The following NLRP7 variants were observed in gnomAD, a reference collection of about 807,000 sequenced individuals.
NLRP7 encodes the protein NACHT, LRR and PYD domains-containing protein 7.
Under a neutral mutation model 85.5 loss-of-function variants are expected in NLRP7, and 72 were observed. The ratio of observed to expected loss-of-function variants is 0.84; its 90% CI spans 0.70 to 1.02. The LOEUF (loss-of-function observed/expected upper bound fraction) is 1.02, where lower values mean the gene tolerates loss of function less well. NLRP7 is among the 50% of genes least tolerant of loss of function. The probability of loss-of-function intolerance (pLI) is 0.00; values close to 1 mark genes in which losing one functional copy is unlikely to be tolerated. For synonymous variants in NLRP7, 550 were observed against 505.2 expected, an observed-to-expected ratio of 1.09 and a Z score of -1.19; for missense variants, 1,243 against 1,219.5, an observed-to-expected ratio of 1.02 and a Z score of -0.29.
Position 54,936,444 on chromosome 19 carries a change from A to G in NLRP7, c.2130-13T>C. On this transcript the variant is annotated splice_polypyrimidine_tract_variant and intron_variant, in intron 5 of 9. Transcript: ENST00000340844. Reference sequence around the variant, plus strand: ...GACGTTTTTAATCCTAGGGAAAAGCAGAAGAGATTCCACTTGGAGTGATTA... The same window carrying G: ...GACGTTTTTAATCCTAGGGAAAAGCGGAAGAGATTCCACTTGGAGTGATTA... 6.2e-7 allele frequency: 1 copy of G among 1,610,210 alleles called. No homozygotes were observed. The highest frequency in any genetic ancestry group is 1.1e-5 in the South Asian group (1 of 90,988).
chr19:54,929,911 G>A (rs1203436457), intron 9 of NLRP7, among the ~76,000 whole-genome samples: 2 of 149,690 alleles, frequency 1.3e-5, no homozygotes, highest in Non-Finnish European at 1.5e-5. Flanking sequence ...TCAGGAGATC[G>A]AGACCATCCT....
At position 54,934,995 on chromosome 19, in the gene NLRP7, C is replaced by T. The variant is rs968165589; in HGVS notation, c.2301-336G>A. On this transcript the variant is annotated intron_variant, in intron 6 of 9. Transcript: ENST00000340844. The surrounding 1 kb of genome is among the most constrained non-coding windows in gnomAD (Gnocchi z 6.7). ...TACAGGTGTGAGCCACCGCGCCTGG[C>T]CCAGATCAGCTTCTTCTGCTTCACT... is the stretch of plus-strand genomic sequence containing the variant. Among the ~76,000 whole-genome samples the T allele has an allele frequency of 3.3e-5, 5 of 152,282 alleles. No homozygotes were observed. In the East Asian group the frequency reaches 5.8e-4, roughly 18 times the overall value.
Position 54,929,329 on chromosome 19 carries a change from C to T in NLRP7, c.2810+1170G>A, listed in dbSNP as rs112729764. Among the ~76,000 whole-genome samples, 1,474 of 152,226 alleles carry T rather than the reference C, an allele frequency of 9.7e-3. 17 individuals are homozygous for T. The highest frequency in any genetic ancestry group is 0.016 in the Non-Finnish European group (1,057 of 68,010). On this transcript the variant is annotated intron_variant, in intron 9 of 9. Coordinates refer to ENST00000340844, the Ensembl canonical transcript of NLRP7. ...GCAGTGAGCCAAGATCGCACCACTG[C>T]ACTCCAGCCTGGGTGACAAAGCGAG... is the stretch of plus-strand genomic sequence containing the variant.
rs776171741 is a variant in NLRP7 at position 54,936,377 on chromosome 19, A to G, written c.2184T>C (p.Ile728=). 7.4e-6 allele frequency: 12 copies of G among 1,613,950 alleles called. No individual in the cohort carries two copies. In the East Asian group the frequency reaches 2.7e-4, roughly 36 times the overall value. The change falls in exon 6 of 10, where the codon ATT becomes ATC. Residue 728 remains isoleucine (I), a synonymous_variant. Coordinates refer to ENST00000340844, the Ensembl canonical transcript of NLRP7. ...TCAGGTGCGTGAGGGTCTTCTTCCC[A>G]ATGAAAGCAAGACAGAAGTCCCGGT...
intron 1 of NLRP7, among the ~76,000 whole-genome samples, chr19:54,952,592 T>C (rs1397157876): frequency 1.4e-5 from 2 of 141,398 alleles, no homozygotes; most frequent in East Asian, 2.1e-4. Flanking sequence ...AAACTCCATC[T>C]CAAAAAAAAA....
chr19:54,951,631 T>C (rs539334913), upstream of NLRP7, among the ~76,000 whole-genome samples: 6 of 152,224 alleles, frequency 3.9e-5, no homozygotes, highest in East Asian at 1.2e-3. Flanking sequence ...TGAAAAAATG[T>C]GAATCAGGCT....
chr19:54,963,880 C>T (rs929186418), intron 1 of NLRP7, among the ~76,000 whole-genome samples: 1 of 143,396 alleles, frequency 7.0e-6, no homozygotes, highest in Non-Finnish European at 1.6e-5. Flanking sequence ...TAAAACCCAA[C>T]TTTTTTCTTT....
At chr19:54,930,115 C>CAAAA (rs34446838) in intron 9 of NLRP7, among the ~76,000 whole-genome samples, 2 of 100,562 alleles carry the variant, frequency 2.0e-5, no homozygotes, top group Non-Finnish European at 4.0e-5. Context: ...GGCTCCGTCT[C>CAAAA]AAAAAAAAAA....
At chr19:54,923,798 G>C in exon 10 of NLRP7, 1 of 1,614,066 alleles carries the variant, frequency 6.2e-7, no homozygotes, top group Non-Finnish European at 8.5e-7. Context: ...GCAATCAATA[G>C]TCAGCTTGGG....
At chr19:54,946,936 G>C (rs1009692023) in intron 1 of NLRP7, among the ~76,000 whole-genome samples, 6 of 152,088 alleles carry the variant, frequency 3.9e-5, no homozygotes, top group Admixed American at 3.3e-4. Context: ...CACTGTGCCT[G>C]GCCTTATATT....
At chr19:54,964,101 G>T (rs1247740950) in intron 1 of NLRP7, among the ~76,000 whole-genome samples, 3 of 149,380 alleles carry the variant, frequency 2.0e-5, no homozygotes, top group Admixed American at 6.7e-5. Flanking sequence ...GGCTGGTCTT[G>T]AAGTCCTGAC....
chr19:54,940,803 G>C (rs895142488), intron 3 of NLRP7, 128 bp downstream of exon 3: 9 of 758,334 alleles, frequency 1.2e-5, no homozygotes, highest in Non-Finnish European at 2.1e-5. Flanking sequence ...CTCCAGCCTG[G>C]GCTACAGAGC....
At chr19:54,936,211 C>G (rs755803583) in intron 6 of NLRP7, 50 bp downstream of exon 6, 1 of 1,530,554 alleles carries the variant, frequency 6.5e-7, no homozygotes, top group Admixed American at 1.7e-5. Flanking sequence ...CCCAGCAACA[C>G]GGTGCAGTGG....
chr19:54,933,678 T>C (rs774176364), exon 8 of NLRP7: 4 of 1,614,204 alleles, frequency 2.5e-6, no homozygotes, highest in Non-Finnish European at 1.7e-6. Flanking sequence ...AGCTTCTTGC[T>C]GACAACCAAG....
upstream of NLRP7, among the ~76,000 whole-genome samples, chr19:54,948,641 A>G (rs11672463): frequency 0.079 from 11,965 of 151,950 alleles, 570 homozygotes; most frequent in African/African-American, 0.13. Context: ...TGCAATCTCC[A>G]TTCTTGCAAC....
Position 54,938,574 on chromosome 19 carries a change from T to A in NLRP7, c.1931+314A>T, listed in dbSNP as rs971922459. On this transcript the variant is annotated intron_variant, in intron 4 of 9. Transcript: ENST00000340844. ...CCCCCATCTCTACAAAAAAATAAAATAATTAACCGGGCAAGGTGGTGCACG... is the reference window on the plus strand; with the variant it reads ...CCCCCATCTCTACAAAAAAATAAAAAAATTAACCGGGCAAGGTGGTGCACG... Among the ~76,000 whole-genome samples, 148 of 151,938 alleles carry A rather than the reference T, an allele frequency of 9.7e-4. 1 individual carries two copies. Among genetic ancestry groups the A allele is most frequent in the African/African-American group, 3.5e-3 (145 of 41,426 alleles).
intron 5 of NLRP7, among the ~76,000 whole-genome samples, chr19:54,937,231 A>G (rs1319252833): frequency 6.6e-6 from 1 of 151,546 alleles, no homozygotes; most frequent in East Asian, 1.9e-4. Flanking sequence ...AAAAAAAAAA[A>G]GTCAAGAAGC....
chr19:54,943,353 G>A (rs191756786), intron 1 of NLRP7, among the ~76,000 whole-genome samples: 62 of 152,194 alleles, frequency 4.1e-4, no homozygotes. Flanking sequence ...TGTAATCCCA[G>A]CACTTTGGGA....
At chr19:54,956,865 G>A (rs952683609) in intron 1 of NLRP7, among the ~76,000 whole-genome samples, 1 of 151,496 alleles carries the variant, frequency 6.6e-6, no homozygotes, top group Non-Finnish European at 1.5e-5. Flanking sequence ...CCTGTCCTCT[G>A]GTGATCCACC....
Sources: gnomAD v4.1 joint callset for allele counts (sites outside exome capture counted in the v4.1 genomes callset) on GRCh38, gnomAD v4.1.1 for gene constraint, Gnocchi (gnomAD v3.1) non-coding constraint, MANE v1.5 for transcripts, NCBI Gene and HGNC (gene_info 2026-07-23, HGNC 2026-07-21) for gene names.